ACAD10: variants seen among roughly 807,000 people sequenced by gnomAD.
The protein encoded by ACAD10 is acyl-CoA dehydrogenase family member 10.
In ACAD10, 112 loss-of-function variants were observed where a neutral mutation model predicts 116.8. The observed-to-expected ratio is 0.96, with a 90% CI of 0.82 to 1.12. The LOEUF is 1.12. ACAD10 is among the 50% of genes most tolerant of loss of function. ACAD10 has a pLI of 0.00. For synonymous variants in ACAD10, 486 were observed against 510.6 expected (o/e 0.95, Z 0.65); for missense variants, 1,259 against 1,350.2 (o/e 0.93, Z 1.06).
chr12:111,723,265 G>A (rs1193984612), intron 8 of ACAD10, among the ~76,000 whole-genome samples: 15 of 134,614 alleles, frequency 1.1e-4, no homozygotes, highest in South Asian at 2.4e-4. Context: ...CAGTAGGGGC[G>A]GCCGGGCAGA....
At chr12:111,731,438 C>T (rs947987358) in intron 10 of ACAD10, among the ~76,000 whole-genome samples, 4 of 152,186 alleles carry the variant, frequency 2.6e-5, no homozygotes, top group East Asian at 3.8e-4. Flanking sequence ...TTTCCTTTGG[C>T]GGGGAAGACC....
chr12:111,716,209 C>A (rs931748728), intron 7 of ACAD10, among the ~76,000 whole-genome samples: 4 of 151,340 alleles, frequency 2.6e-5, no homozygotes, highest in African/African-American at 7.3e-5. Flanking sequence ...TACCCCCCAT[C>A]CCCCCCCAAA....
chr12:111,736,417 C>T (rs1889566237), intron 11 of ACAD10, among the ~76,000 whole-genome samples: 1 of 152,134 alleles, frequency 6.6e-6, no homozygotes, highest in Non-Finnish European at 1.5e-5. Context: ...TCTTGAACTC[C>T]TGACCTCAGG....
At chr12:111,741,196 T>A (rs1045919168) in intron 12 of ACAD10, among the ~76,000 whole-genome samples, 4 of 152,210 alleles carry the variant, frequency 2.6e-5, no homozygotes, top group Admixed American at 1.3e-4. Flanking sequence ...ATATTTTCCC[T>A]CTTTTAGGAA....
intron 1 of ACAD10, among the ~76,000 whole-genome samples, chr12:111,689,169 G>C (rs1887968048): frequency 6.6e-6 from 1 of 151,918 alleles, no homozygotes; most frequent in Admixed American, 6.6e-5. Flanking sequence ...CCAGCCTGGT[G>C]ACAGAGGGAG....
chr12:111,709,529 G>A lies in ACAD10; in HGVS notation c.535G>A (p.Val179Met). The A allele has an allele frequency of 6.3e-7, 1 of 1,578,966 alleles. No homozygotes were observed. The highest frequency in any genetic ancestry group is 8.6e-7 in the Non-Finnish European group (1 of 1,165,528). The change falls in exon 5 of 21, where the codon GTG (valine) becomes ATG (methionine). Residue 179 changes from valine (V) to methionine (M), a missense_variant. By Grantham distance (21) the Val-to-Met change is conservative (BLOSUM62 1). Coordinates refer to ENST00000313698, the MANE Select transcript of ACAD10 (RefSeq NM_025247.6). ...CTCATTCCTGTCCCTCCATCAGATTGTGGAGTCCTGCATGGAAGGGATCTG... is the reference window on the plus strand; with the variant it reads ...CTCATTCCTGTCCCTCCATCAGATTATGGAGTCCTGCATGGAAGGGATCTG... Reference protein sequence around the residue: ...PLDRKQFDVIVESCMEGICKP... With the variant: ...PLDRKQFDVIMESCMEGICKP...
At position 111,740,672 on chromosome 12, in the gene ACAD10, C is replaced by T. The variant is rs1889711577; in HGVS notation, c.1714+3668C>T. 2.0e-5 allele frequency among the ~76,000 whole-genome samples: 3 copies of T among 148,804 alleles called. No individual in the cohort carries two copies. The South Asian group carries it at 6.4e-4, about 32-fold the overall frequency. ...ACTAGGTGTCTGTAATCCCAGCTAA[C>T]TAGGGAGGCTGAGGCAGATGAATAG... On this transcript the variant is annotated intron_variant, in intron 12 of 20. Transcript: ENST00000313698.
intron 2 of ACAD10, 95 bp from the exon 3 acceptor site, chr12:111,702,067 C>G (rs924693507): frequency 7.6e-7 from 1 of 1,321,360 alleles, no homozygotes; most frequent in African/African-American, 1.5e-5. Context: ...GGCAGTACAG[C>G]GAGTCCGTAG....
At position 111,754,991 on chromosome 12, in the gene ACAD10, C is replaced by T. The variant is rs565211318; in HGVS notation, c.2962-677C>T. Among the ~76,000 whole-genome samples the T allele has an allele frequency of 6.6e-5, 10 of 152,368 alleles. No homozygotes were observed. The South Asian group carries it at 2.1e-3, about 32-fold the overall frequency. ...CAGGCAGGGGCAGCCTCACCCAGCT[C>T]ACATCAGCGAGACCTTGGGGCCTCT... On this transcript the variant is annotated intron_variant, in intron 19 of 20. Transcript: ENST00000313698.
intron 2 of ACAD10, among the ~76,000 whole-genome samples, chr12:111,696,520 C>T (rs970817825): frequency 7.2e-5 from 11 of 152,114 alleles, no homozygotes; most frequent in African/African-American, 9.7e-5. Context: ...CCATCTTGCC[C>T]ATTTGTTTAC....
At chr12:111,709,823 A>G in intron 5 of ACAD10, 139 bp downstream of exon 5, 2 of 1,002,240 alleles carry the variant, frequency 2.0e-6, no homozygotes, top group Middle Eastern at 2.2e-4. Flanking sequence ...ATTTTGTGTT[A>G]ATTATGAAAT....
chr12:111,724,835 A>T (rs1483768106), intron 8 of ACAD10, among the ~76,000 whole-genome samples: 1 of 147,356 alleles, frequency 6.8e-6, no homozygotes, highest in East Asian at 2.0e-4. Context: ...AGACCGTGGA[A>T]AGAGAGGGAG....
At chr12:111,721,767 A>T in intron 8 of ACAD10, 28 bp downstream of exon 8, 1 of 1,565,810 alleles carries the variant, frequency 6.4e-7, no homozygotes, top group South Asian at 1.2e-5. Flanking sequence ...TTGCTATTGC[A>T]CTTTCAAGCT....
intron 17 of ACAD10, chr12:111,748,885 A>C (rs1011790150): frequency 3.1e-6 from 3 of 976,472 alleles, no homozygotes; most frequent in Non-Finnish European, 4.6e-6. Flanking sequence ...TTTTCATAGG[A>C]TCACTACATT....
chr12:111,713,805 C>T (rs1319524541), intron 6 of ACAD10, among the ~76,000 whole-genome samples: 2 of 151,028 alleles, frequency 1.3e-5, no homozygotes, highest in South Asian at 2.1e-4. Flanking sequence ...GGTGTTTTGG[C>T]GGGCGCCTGT....
intron 5 of ACAD10, chr12:111,710,399 A>G (rs774584444): frequency 3.0e-5 from 11 of 365,116 alleles, no homozygotes; most frequent in Non-Finnish European, 5.5e-5. Flanking sequence ...CTATTCTTCT[A>G]TGTTTGGGTT....
At chr12:111,730,023 T>A in intron 10 of ACAD10, 67 bp downstream of exon 10, 1 of 1,552,036 alleles carries the variant, frequency 6.4e-7, no homozygotes, top group Non-Finnish European at 8.7e-7. Flanking sequence ...ATTGAGCAAT[T>A]GGTCTTGGTG....
At chr12:111,688,074 T>G (rs1166549548) in intron 1 of ACAD10, 1 of 152,056 alleles carries the variant, frequency 6.6e-6, no homozygotes, top group Non-Finnish European at 1.5e-5. Flanking sequence ...ACCATGTTGG[T>G]CAGACTTGTC....
chr12:111,710,639 C>T lies in ACAD10; in HGVS notation c.690+955C>T, dbSNP rs577569049. Among the ~76,000 whole-genome samples the T allele has an allele frequency of 9.2e-5, 14 of 151,352 alleles. No individual in the cohort carries two copies. The East Asian group carries it at 2.1e-3, about 23-fold the overall frequency. ...CCCCCTGAGTAGCTGGGACTATAGGCGCACGCCACCATGCCCGGTTAATTT... is the reference window on the plus strand; with the variant it reads ...CCCCCTGAGTAGCTGGGACTATAGGTGCACGCCACCATGCCCGGTTAATTT... On this transcript the variant is annotated intron_variant, in intron 5 of 20. Coordinates refer to ENST00000313698, the MANE Select transcript of ACAD10 (RefSeq NM_025247.6).
Sources: allele counts gnomAD v4.1 joint callset (sites outside exome capture counted in the v4.1 genomes callset), GRCh38; gene constraint gnomAD v4.1.1; transcripts MANE v1.5; gene names NCBI Gene and HGNC (gene_info 2026-07-23, HGNC 2026-07-21).